MDFIC2: variants seen among roughly 807,000 people sequenced by gnomAD.
MDFIC2 encodes the protein myoD family inhibitor domain-containing protein 2.
chr3:70,205,016 A>G (rs1239981063), intron 3 of MDFIC2: 1 of 152,122 alleles, frequency 6.6e-6, no homozygotes, highest in Non-Finnish European at 1.5e-5. Context: ...ATCTCTACCA[A>G]AGCTAGAGAC....
At chr3:70,274,292 T>C (rs1702001619) in intron 2 of MDFIC2, among the ~76,000 whole-genome samples, 1 of 152,082 alleles carries the variant, frequency 6.6e-6, no homozygotes, top group South Asian at 2.1e-4. Context: ...AGCTTTTGAT[T>C]GCAGATAAAT....
intron 2 of MDFIC2, among the ~76,000 whole-genome samples, chr3:70,299,826 T>A (rs1239148808): frequency 6.6e-6 from 1 of 152,090 alleles, no homozygotes; most frequent in Non-Finnish European, 1.5e-5. Flanking sequence ...TCACATATAT[T>A]TTATGGCTTC....
chr3:70,226,679 A>G (rs909893707), intron 2 of MDFIC2, among the ~76,000 whole-genome samples: 1 of 150,744 alleles, frequency 6.6e-6, no homozygotes, highest in Non-Finnish European at 1.5e-5. Context: ...CGGAGGTTGC[A>G]GTGAGCCGAT....
chr3:70,309,219 G>T (rs1702434529), intron 2 of MDFIC2, among the ~76,000 whole-genome samples: 1 of 152,072 alleles, frequency 6.6e-6, no homozygotes, highest in Non-Finnish European at 1.5e-5. Flanking sequence ...CCACTTAAGA[G>T]CCCTGCAAAT....
At chr3:70,235,453 A>G (rs534422903) in intron 2 of MDFIC2, among the ~76,000 whole-genome samples, 2 of 152,328 alleles carry the variant, frequency 1.3e-5, no homozygotes, top group South Asian at 4.1e-4. Flanking sequence ...TCATGTGATA[A>G]TACATGCTAG....
chr3:70,285,752 A>C (rs1702155353), intron 2 of MDFIC2, among the ~76,000 whole-genome samples: 1 of 151,986 alleles, frequency 6.6e-6, no homozygotes, highest in African/African-American at 2.4e-5. Flanking sequence ...TTGCCATTCT[A>C]ACTGGTGTGA....
chr3:70,209,611 T>C (rs7430272), intron 2 of MDFIC2, among the ~76,000 whole-genome samples: 89,341 of 151,886 alleles, frequency 0.59, 27,882 homozygotes, highest in Admixed American at 0.69. Flanking sequence ...CCTTATTCAG[T>C]AGTAGAACTG....
chr3:70,283,878 T>G (rs1337704387), intron 2 of MDFIC2: 1 of 152,110 alleles, frequency 6.6e-6, no homozygotes, highest in African/African-American at 2.4e-5. Flanking sequence ...TAAGAGAATG[T>G]GTAAAATGTC....
At chr3:70,217,894 A>G (rs1400596740) in intron 2 of MDFIC2, among the ~76,000 whole-genome samples, 1 of 152,146 alleles carries the variant, frequency 6.6e-6, no homozygotes, top group African/African-American at 2.4e-5. Flanking sequence ...TCAGGTTAAT[A>G]TCCATTTGTG....
chr3:70,283,475 C>G (rs1486312329), intron 2 of MDFIC2: 1 of 151,946 alleles, frequency 6.6e-6, no homozygotes, highest in African/African-American at 2.4e-5. Context: ...GATTTGAATC[C>G]CACATACAGC....
chr3:70,246,848 A>C (rs1236646618), intron 2 of MDFIC2, among the ~76,000 whole-genome samples: 2 of 152,024 alleles, frequency 1.3e-5, no homozygotes, highest in African/African-American at 4.8e-5. Flanking sequence ...AAACAACCCT[A>C]CCATCTTAAA....
At chr3:70,253,968 A>T (rs1200659478) in intron 2 of MDFIC2, among the ~76,000 whole-genome samples, 1 of 152,212 alleles carries the variant, frequency 6.6e-6, no homozygotes, top group Non-Finnish European at 1.5e-5. Context: ...TCTGTGGCAT[A>T]ATATAGCTAG....
At chr3:70,289,637 T>TA (rs1359978298) in intron 2 of MDFIC2, among the ~76,000 whole-genome samples, 2 of 151,552 alleles carry the variant, frequency 1.3e-5, no homozygotes, top group Admixed American at 1.3e-4. Context: ...TTCTCCTGGA[T>TA]AATATCCTGC....
chr3:70,277,859 A>G (rs1467967039), intron 2 of MDFIC2, among the ~76,000 whole-genome samples: 2 of 152,128 alleles, frequency 1.3e-5, no homozygotes, highest in Non-Finnish European at 2.9e-5. Flanking sequence ...GGCAAGACAG[A>G]TCTGATTAAG....
intron 2 of MDFIC2, among the ~76,000 whole-genome samples, chr3:70,238,675 AG>A (rs1396418393): frequency 6.6e-6 from 1 of 152,062 alleles, no homozygotes; most frequent in Non-Finnish European, 1.5e-5. Context: ...AAGAAAGTAA[AG>A]GCAGGGCACT....
intron 2 of MDFIC2, among the ~76,000 whole-genome samples, chr3:70,284,038 T>G (rs1575615089): frequency 1.3e-5 from 2 of 152,148 alleles, no homozygotes; most frequent in Non-Finnish European, 2.9e-5. Flanking sequence ...TATTGGCTAT[T>G]GGTTTTTTAA....
At chr3:70,286,634 G>C (rs1404272207) in intron 2 of MDFIC2, among the ~76,000 whole-genome samples, 1 of 151,878 alleles carries the variant, frequency 6.6e-6, no homozygotes, top group Non-Finnish European at 1.5e-5. Context: ...CATTGAATCT[G>C]TAAATTACCT....
intron 2 of MDFIC2, among the ~76,000 whole-genome samples, chr3:70,254,397 A>C (rs1465232744): frequency 6.6e-6 from 1 of 152,200 alleles, no homozygotes; most frequent in Non-Finnish European, 1.5e-5. Flanking sequence ...GTTGTACATT[A>C]TTATAAACAG....
intron 2 of MDFIC2, among the ~76,000 whole-genome samples, chr3:70,267,569 A>ATTTTTGTT (rs1559549233): frequency 3.3e-5 from 1 of 30,730 alleles, no homozygotes; most frequent in Non-Finnish European, 8.1e-5. Flanking sequence ...TGCCCGGCTA[A>ATTTTTGTT]TTTTTTGTAT....
Sources: allele counts gnomAD v4.1 joint callset (sites outside exome capture counted in the v4.1 genomes callset), GRCh38; gene constraint gnomAD v4.1.1; transcripts MANE v1.5; gene names NCBI Gene and HGNC (gene_info 2026-07-23, HGNC 2026-07-21).